ATP13A4: variants seen among roughly 807,000 people sequenced by gnomAD.
ATP13A4 encodes the protein probable cation-transporting ATPase 13A4.
ATP13A4 carries 114 observed loss-of-function variants against 142.5 expected under a neutral mutation model. The observed-to-expected ratio is 0.80, with a 90% CI of 0.69 to 0.93. The LOEUF is 0.93. Among genes scored for constraint, ATP13A4 ranks in the 40% least tolerant of loss-of-function variants. The pLI is 0.00. For missense variants in ATP13A4, 1,392 were observed against 1,454.0 expected, an observed-to-expected ratio of 0.96 and a Z score of 0.69; for synonymous variants, 488 against 514.8, an observed-to-expected ratio of 0.95 and a Z score of 0.70.
intron 25 of ATP13A4, among the ~76,000 whole-genome samples, chr3:193,420,751 A>G (rs1715364733): frequency 6.7e-6 from 1 of 149,630 alleles, no homozygotes; most frequent in Non-Finnish European, 1.5e-5. Context: ...GAGCTGAAGA[A>G]TTTAATGAAT....
In ATP13A4 at chr3:193,441,461, C is replaced by A. The variant is rs749220246; in HGVS notation, c.2439+5G>T. ...TAGGGAGATTGTCACCCTCTTAGAACTTACCTTTGGCAGTAGGCTGCTGAA... is the reference window on the plus strand; with the variant it reads ...TAGGGAGATTGTCACCCTCTTAGAAATTACCTTTGGCAGTAGGCTGCTGAA... On this transcript the variant is annotated splice_donor_5th_base_variant and intron_variant, in intron 20 of 29. Transcript: ENST00000342695. 3 of 1,613,786 alleles carry A rather than the reference C, an allele frequency of 1.9e-6. No homozygotes were observed. In the East Asian group the frequency reaches 6.7e-5, roughly 36 times the overall value.
At chr3:193,588,872 G>A (rs1019848078) in intron 1 of ATP13A4, among the ~76,000 whole-genome samples, 2 of 152,166 alleles carry the variant, frequency 1.3e-5, no homozygotes, top group African/African-American at 4.8e-5. Flanking sequence ...TGGCACGGTG[G>A]CTGATGCCTG....
intron 1 of ATP13A4, among the ~76,000 whole-genome samples, chr3:193,529,158 T>A (rs1722176051): frequency 6.6e-6 from 1 of 151,930 alleles, no homozygotes; most frequent in Non-Finnish European, 1.5e-5. Flanking sequence ...TAGTCCCAGC[T>A]ACTCGGGAGG....
Position 193,448,404 on chromosome 3 carries a change from C to T in ATP13A4, c.2028-74G>A, listed in dbSNP as rs1407091297. ...GCTTTTTTTTTGAGACGGAGTCTCG[C>T]TCTGTCATCCAGGCTGGAGGACAGT... On this transcript the variant is annotated intron_variant, in intron 17 of 29. Coordinates refer to ENST00000342695, the MANE Select transcript of ATP13A4 (RefSeq NM_032279.4). The T allele has an allele frequency of 1.9e-6, 3 of 1,561,468 alleles. No homozygotes were observed. In the African/African-American group the frequency reaches 4.1e-5, roughly 21 times the overall value.
chr3:193,413,719 A>T lies in ATP13A4; in HGVS notation c.3014+860T>A, dbSNP rs143229140. On this transcript the variant is annotated intron_variant, in intron 26 of 29. Coordinates refer to ENST00000342695, the MANE Select transcript of ATP13A4 (RefSeq NM_032279.4). ...CAGGCTTATTAGGATGGGGGAAAAA[A>T]CCCCACCCTGGTGAATTTGAGGTCA... Among the ~76,000 whole-genome samples, 17 of 151,158 alleles carry T rather than the reference A, an allele frequency of 1.1e-4. No individual in the cohort carries two copies. In the East Asian group the frequency reaches 3.1e-3, roughly 28 times the overall value.
chr3:193,526,785 G>T (rs113578150), intron 1 of ATP13A4, among the ~76,000 whole-genome samples: 4 of 152,274 alleles, frequency 2.6e-5, no homozygotes, highest in African/African-American at 9.6e-5. Context: ...CTCTGGGTGG[G>T]GAGAGAGCAG....
chr3:193,427,391 G>A (rs1715723463), intron 25 of ATP13A4, among the ~76,000 whole-genome samples: 1 of 152,142 alleles, frequency 6.6e-6, no homozygotes, highest in Non-Finnish European at 1.5e-5. Context: ...GTAATTTATA[G>A]ATTCAATGCC....
chr3:193,531,296 G>GAGGAAGGAAGGAAGGAAGGA (rs772860170), intron 1 of ATP13A4, among the ~76,000 whole-genome samples: 2 of 73,920 alleles, frequency 2.7e-5, no homozygotes, highest in African/African-American at 5.3e-5. Flanking sequence ...GGGAGGGAGG[G>GAGGAAGGAAGGAAGGAAGGA]AGGAAGGAAG....
Position 193,466,028 on chromosome 3 carries a change from A to G in ATP13A4, c.1269T>C (p.Ser423=), listed in dbSNP as rs3796181. The change falls in exon 11 of 30, where the codon AGT becomes AGC. Residue 423 remains serine (S), a synonymous_variant. Transcript: ENST00000342695. The part of the protein sequence containing the change: ...MIYTLCVYVL[S]GEPPEEVVRK... Reference sequence around the variant, plus strand: ...TAAAAGAGCAAAGACAGCTTACCCCACTAAGCACATAGACACACAGAGTAT... The same window carrying G: ...TAAAAGAGCAAAGACAGCTTACCCCGCTAAGCACATAGACACACAGAGTAT... The G allele has an allele frequency of 0.46, 745,575 of 1,613,268 alleles. 174,776 individuals are homozygous for G. The highest frequency in any genetic ancestry group is 0.65 in the African/African-American group (48,704 of 74,898).
rs372396514 is a variant in ATP13A4 at position 193,580,341 on chromosome 3, G to A, written n.291+1366C>T. On this transcript the variant is annotated intron_variant and non_coding_transcript_variant, in intron 2 of 3. Transcript: ENST00000489140. ...GAGTTGGACCAGGATTATAGCAGTTGTAGCAGGATATAGCCTCAACTTGGT... is the reference window on the plus strand; with the variant it reads ...GAGTTGGACCAGGATTATAGCAGTTATAGCAGGATATAGCCTCAACTTGGT... 1.3e-4 allele frequency among the ~76,000 whole-genome samples: 20 copies of A among 152,258 alleles called. No individual in the cohort carries two copies. In the East Asian group the frequency reaches 2.5e-3, roughly 19 times the overall value.
intron 1 of ATP13A4, among the ~76,000 whole-genome samples, chr3:193,515,761 T>C (rs1409527939): frequency 6.6e-6 from 1 of 152,200 alleles, no homozygotes. Context: ...TTTATGGTCT[T>C]AGTCCCACAA....
intron 2 of ATP13A4, among the ~76,000 whole-genome samples, chr3:193,507,090 A>T (rs1720899464): frequency 6.6e-6 from 1 of 152,166 alleles, no homozygotes; most frequent in South Asian, 2.1e-4. Context: ...TACACAAAAA[A>T]ATGTAGTTCT....
In ATP13A4 at chr3:193,459,162, G is replaced by C; in HGVS notation, c.1593C>G (p.Ala531=). The C allele has an allele frequency of 6.2e-7, 1 of 1,614,236 alleles. No individual in the cohort carries two copies. Among genetic ancestry groups the C allele is most frequent in the South Asian group, 1.1e-5 (1 of 91,088 alleles). The change falls in exon 14 of 30, where the codon GCC becomes GCG. Residue 531 remains alanine (A), a synonymous_variant. Coordinates refer to ENST00000342695, the MANE Select transcript of ATP13A4 (RefSeq NM_032279.4). ...LPWGPLCAAM[A]SCHSLILLDG... ...CAAGAAGGATCAGAGAGTGGCAGCT[G>C]GCCATCGCTGCACACAGTGGGCCCC...
At chr3:193,454,284 A>G in intron 16 of ATP13A4, 72 bp from the exon 17 acceptor site, 1 of 1,170,902 alleles carries the variant, frequency 8.5e-7, no homozygotes, top group Non-Finnish European at 1.3e-6. Flanking sequence ...AATTCTTTAC[A>G]AACATCCAAC....
chr3:193,497,715 T>C (rs140752095), intron 3 of ATP13A4, among the ~76,000 whole-genome samples: 24 of 152,288 alleles, frequency 1.6e-4, no homozygotes, highest in African/African-American at 5.5e-4. Flanking sequence ...ATGTACATTT[T>C]CTTTGTGGAA....
chr3:193,502,577 G>A lies in ATP13A4; in HGVS notation c.297C>T (p.Ser99=), dbSNP rs547107285. The A allele has an allele frequency of 2.0e-5, 32 of 1,613,244 alleles. No homozygotes were observed. The highest frequency in any genetic ancestry group is 9.4e-5 in the African/African-American group (7 of 74,856). The part of the protein sequence containing the change: ...VIWIYLSALN[S]AFGLTPDHPL... ...GGTGGTCAGGAGTGAGACCAAATGC[G>A]CTGTTTAATGCTGACAGGTAGATCC... Residue 99 remains serine, a synonymous_variant, in exon 3 of 30, where the codon AGC becomes AGT. Transcript: ENST00000342695.
chr3:193,445,688 C>T (rs540556430), intron 18 of ATP13A4, among the ~76,000 whole-genome samples: 38 of 152,004 alleles, frequency 2.5e-4, no homozygotes, highest in Middle Eastern at 6.8e-3. Context: ...ACCCGGGAGT[C>T]GGAGGTTGCA....
intron 1 of ATP13A4, among the ~76,000 whole-genome samples, chr3:193,545,853 C>G (rs961611154): frequency 6.6e-6 from 1 of 152,032 alleles, no homozygotes; most frequent in Non-Finnish European, 1.5e-5. Context: ...TTTAATGTTT[C>G]CAGATATGCT....
intron 17 of ATP13A4, among the ~76,000 whole-genome samples, chr3:193,449,103 G>A (rs1315781250): frequency 6.6e-6 from 1 of 152,186 alleles, no homozygotes; most frequent in South Asian, 2.1e-4. Flanking sequence ...TCTCTATTCA[G>A]GTAAAGCTCA....
Sources: allele counts gnomAD v4.1 joint callset (sites outside exome capture counted in the v4.1 genomes callset), GRCh38; gene constraint gnomAD v4.1.1; transcripts MANE v1.5; gene names NCBI Gene and HGNC (gene_info 2026-07-23, HGNC 2026-07-21).